The following PDE1C variants were observed in gnomAD, a reference collection of about 807,000 sequenced individuals.
PDE1C encodes phosphodiesterase 1C.
Under a neutral mutation model 93.1 loss-of-function variants are expected in PDE1C, and 62 were observed. That is an observed-to-expected ratio of 0.67 (90% CI 0.54 to 0.82). PDE1C has a LOEUF of 0.82. PDE1C is among the 40% of genes least tolerant of loss of function. The pLI, the probability that PDE1C is intolerant of heterozygous loss-of-function variation, is 0.00. For missense variants in PDE1C, 742 were observed against 884.6 expected (o/e 0.84, Z 2.04); for synonymous variants, 325 against 310.1 (o/e 1.05, Z -0.50).
chr7:31,632,085 T>C, the PDE1C span, among the ~76,000 whole-genome samples: 5 of 152,210 alleles, frequency 3.3e-5, no homozygotes, highest in Admixed American at 2.0e-4. Context: ...AACAGTGACT[T>C]GTCCTACAGC....
chr7:31,975,409 T>C (rs1811534959), intron 2 of PDE1C, among the ~76,000 whole-genome samples: 1 of 152,084 alleles, frequency 6.6e-6, no homozygotes, highest in Admixed American at 6.6e-5. Context: ...AATCCCTTCC[T>C]CTCAGACCTA....
At chr7:31,662,088 G>T in the PDE1C span, among the ~76,000 whole-genome samples, 1 of 152,126 alleles carries the variant, frequency 6.6e-6, no homozygotes, top group Non-Finnish European at 1.5e-5. Flanking sequence ...TTTTACTTTT[G>T]TAGGGTGCCA....
intron 1 of PDE1C, among the ~76,000 whole-genome samples, chr7:32,362,350 T>C (rs1784152632): frequency 1.3e-5 from 2 of 152,148 alleles, no homozygotes; most frequent in African/African-American, 2.4e-5. Context: ...TCCAACTCTG[T>C]TCAAAATGTT....
chr7:31,659,820 C>G, the PDE1C span, among the ~76,000 whole-genome samples: 7 of 152,152 alleles, frequency 4.6e-5, no homozygotes, highest in South Asian at 1.5e-3. Flanking sequence ...CTATTTTATT[C>G]ACCTTTTTAG....
intron 1 of PDE1C, among the ~76,000 whole-genome samples, chr7:32,057,620 C>T (rs1197180247): frequency 1.3e-5 from 2 of 152,190 alleles, no homozygotes; most frequent in African/African-American, 4.8e-5. Flanking sequence ...CTTCATTTTC[C>T]TTCTCCTGCC....
chr7:31,642,899 C>A, the PDE1C span: 1 of 1,613,988 alleles, frequency 6.2e-7, no homozygotes, highest in East Asian at 2.2e-5. Flanking sequence ...CTGCTTGAGG[C>A]CATGGAGGGG....
At chr7:32,358,617 G>C (rs1477248627) in intron 1 of PDE1C, among the ~76,000 whole-genome samples, 1 of 152,156 alleles carries the variant, frequency 6.6e-6, no homozygotes, top group Non-Finnish European at 1.5e-5. Context: ...GTCAGGAAGA[G>C]AGCTGGGCAC....
intron 9 of PDE1C, among the ~76,000 whole-genome samples, chr7:31,840,560 T>C (rs1319187587): frequency 6.6e-6 from 1 of 152,208 alleles, no homozygotes; most frequent in Non-Finnish European, 1.5e-5. Flanking sequence ...TATTTTCCTC[T>C]GGAAGTCTTG....
intron 15 of PDE1C, among the ~76,000 whole-genome samples, chr7:31,812,022 A>C (rs1028356586): frequency 3.3e-5 from 5 of 152,154 alleles, no homozygotes; most frequent in Admixed American, 6.5e-5. Flanking sequence ...TTGTATCTGG[A>C]GTAATGGCTG....
At chr7:32,053,435 G>C (rs1291815657) in intron 1 of PDE1C, among the ~76,000 whole-genome samples, 2 of 152,204 alleles carry the variant, frequency 1.3e-5, no homozygotes, top group Non-Finnish European at 2.9e-5. Flanking sequence ...GGAGCATAGT[G>C]AGCTGTGGGT....
chr7:32,407,747 C>G (rs1006924770), intron 1 of PDE1C, among the ~76,000 whole-genome samples: 1 of 152,118 alleles, frequency 6.6e-6, no homozygotes, highest in East Asian at 1.9e-4. Flanking sequence ...TCTATTTCAT[C>G]GAAGCTTTAT....
At chr7:32,327,135 C>A (rs1783418621) in intron 1 of PDE1C, among the ~76,000 whole-genome samples, 1 of 152,170 alleles carries the variant, frequency 6.6e-6, no homozygotes, top group Non-Finnish European at 1.5e-5. Flanking sequence ...GGCTGTACTG[C>A]CAAAATCTGA....
chr7:31,897,922 C>A (rs1799506197), intron 2 of PDE1C, among the ~76,000 whole-genome samples: 1 of 151,922 alleles, frequency 6.6e-6, no homozygotes, highest in Non-Finnish European at 1.5e-5. Flanking sequence ...TTACTCACCA[C>A]AGAACATTCT....
At chr7:31,860,631 C>G (rs1794585408) in intron 7 of PDE1C, among the ~76,000 whole-genome samples, 1 of 152,020 alleles carries the variant, frequency 6.6e-6, no homozygotes, top group Admixed American at 6.6e-5. Flanking sequence ...TCTATGTTCT[C>G]TATGTATTTT....
chr7:32,218,845 C>T (rs1317732484), intron 1 of PDE1C, among the ~76,000 whole-genome samples: 2 of 152,164 alleles, frequency 1.3e-5, no homozygotes, highest in African/African-American at 4.8e-5. Flanking sequence ...CAGGGCCCTC[C>T]ATTACACCAA....
At position 32,155,022 on chromosome 7, in the gene PDE1C, G is replaced by A. The variant is rs191259249; in HGVS notation, c.308+14763C>T. Among the ~76,000 whole-genome samples the A allele has an allele frequency of 6.6e-5, 10 of 152,354 alleles. No individual in the cohort carries two copies. The South Asian group carries it at 1.0e-3, about 16-fold the overall frequency. On this transcript the variant is annotated intron_variant, in intron 3 of 18. Coordinates refer to the PDE1C transcript ENST00000396193. ...TGCAGTGAGAGTCCACACCAGGCAT[G>A]AGGAAATGGCAGGAAATGAGCAGGC...
intron 17 of PDE1C, among the ~76,000 whole-genome samples, chr7:31,762,952 C>T (rs1052565656): frequency 6.6e-6 from 1 of 152,172 alleles, no homozygotes; most frequent in African/African-American, 2.4e-5. Flanking sequence ...TTTTCTCCCA[C>T]TGGTGGTTCT....
Position 32,114,046 on chromosome 7 carries a change from C to T in PDE1C, c.308+55739G>A, listed in dbSNP as rs535270003. Among the ~76,000 whole-genome samples, 16 of 152,208 alleles carry T rather than the reference C, an allele frequency of 1.1e-4. No homozygotes were observed. The South Asian group carries it at 3.1e-3, about 30-fold the overall frequency. On this transcript the variant is annotated intron_variant, in intron 3 of 18. Coordinates refer to the PDE1C transcript ENST00000396193. ...GAAGAATAAATATCGTGAAAATGGCCATACTATCCAAAGTAATTTATAGAT... is the reference window on the plus strand; with the variant it reads ...GAAGAATAAATATCGTGAAAATGGCTATACTATCCAAAGTAATTTATAGAT...
chr7:32,414,690 A>G (rs1432378752), intron 1 of PDE1C, among the ~76,000 whole-genome samples: 2 of 152,190 alleles, frequency 1.3e-5, no homozygotes, highest in Non-Finnish European at 2.9e-5. Context: ...CTGATGCCTA[A>G]ACAGTTATCG....
Sources: allele counts gnomAD v4.1 joint callset (sites outside exome capture counted in the v4.1 genomes callset), GRCh38; gene constraint gnomAD v4.1.1; transcripts MANE v1.5; gene names NCBI Gene and HGNC (gene_info 2026-07-23, HGNC 2026-07-21).